Variants in ITGA11 observed in about 807,000 individuals in gnomAD.
The protein encoded by ITGA11 is integrin alpha-11.
ITGA11 carries 97 observed loss-of-function variants against 141.9 expected under a neutral mutation model. The ratio of observed to expected loss-of-function variants is 0.68; its 90% confidence interval spans 0.58 to 0.81. ITGA11 has a LOEUF of 0.81. Among genes scored for constraint, ITGA11 ranks in the 30% least tolerant of loss-of-function variants. The probability of loss-of-function intolerance (pLI) is 0.00; values close to 1 mark genes in which losing one functional copy is unlikely to be tolerated. For missense variants in ITGA11, 1,387 were observed against 1,559.2 expected (o/e 0.89, Z 1.86); for synonymous variants, 658 against 624.6 (o/e 1.05, Z -0.80).
In ITGA11 at chr15:68,322,034, A is replaced by T. The variant is rs533539993; in HGVS notation, c.2323-531T>A. ...TGACAGGGGATCAGAGTTCTGAAGGACGGTCAAGGTAGCTGTGTGGACCGG... is the reference window on the plus strand; with the variant it reads ...TGACAGGGGATCAGAGTTCTGAAGGTCGGTCAAGGTAGCTGTGTGGACCGG... On this transcript the variant is annotated intron_variant, in intron 18 of 29. Coordinates refer to ENST00000315757, the MANE Select transcript of ITGA11 (RefSeq NM_001004439.2). The surrounding 1 kb of genome is among the most constrained non-coding windows in gnomAD (Gnocchi z 5.6). 6.6e-6 allele frequency among the ~76,000 whole-genome samples: 1 copy of T among 152,212 alleles called. No individual in the cohort carries two copies. Among genetic ancestry groups the T allele is most frequent in the Non-Finnish European group, 1.5e-5 (1 of 68,028 alleles).
At chr15:68,376,592 G>A (rs577797957) in intron 2 of ITGA11, among the ~76,000 whole-genome samples, 1 of 152,208 alleles carries the variant, frequency 6.6e-6, no homozygotes, top group Admixed American at 6.5e-5. Flanking sequence ...TGGGATGCCT[G>A]TGACCCAGTA....
At chr15:68,311,221 A>G (rs892311922) in intron 25 of ITGA11, 69 bp downstream of exon 25, 40 of 1,295,952 alleles carry the variant, frequency 3.1e-5, no homozygotes, top group Non-Finnish European at 5.5e-6. Context: ...GAACCTGGGG[A>G]CACACGTAGG....
intron 2 of ITGA11, among the ~76,000 whole-genome samples, chr15:68,393,199 G>GA (rs1406725547): frequency 6.6e-6 from 1 of 152,050 alleles, no homozygotes; most frequent in Non-Finnish European, 1.5e-5. Flanking sequence ...CACAGCAAGA[G>GA]AAAAATGGAA....
At chr15:68,423,255 C>G (rs543329987) in intron 1 of ITGA11, among the ~76,000 whole-genome samples, 1 of 152,038 alleles carries the variant, frequency 6.6e-6, no homozygotes, top group Non-Finnish European at 1.5e-5. Context: ...TGCTGTATGG[C>G]GGGGGAAGTA....
chr15:68,391,153 A>C (rs1049842257), intron 2 of ITGA11, among the ~76,000 whole-genome samples: 4 of 152,116 alleles, frequency 2.6e-5, no homozygotes, highest in Non-Finnish European at 5.9e-5. Context: ...GGGAACAGAG[A>C]TTCTAGAAAG....
Position 68,308,212 on chromosome 15 carries a change from G to A in ITGA11, c.3175-516C>T, listed in dbSNP as rs547363755. On this transcript the variant is annotated intron_variant, in intron 26 of 29. Coordinates refer to ENST00000315757, the MANE Select transcript of ITGA11 (RefSeq NM_001004439.2). The surrounding 1 kb of genome is among the most constrained non-coding windows in gnomAD (Gnocchi z 5.2). ...CCCCAAAATAAACTCGTATTAACTT[G>A]TTGTAACCTATGTGAACAGGATCTA... Among the ~76,000 whole-genome samples, 2 of 152,244 alleles carry A rather than the reference G, an allele frequency of 1.3e-5. No individual in the cohort carries two copies. The highest frequency in any genetic ancestry group is 3.9e-4 in the East Asian group (2 of 5,186).
chr15:68,343,230 C>T (rs1024008576), intron 10 of ITGA11, among the ~76,000 whole-genome samples: 17 of 152,028 alleles, frequency 1.1e-4, no homozygotes, highest in African/African-American at 3.1e-4. Flanking sequence ...TTCGTCATTG[C>T]GGTAGCATGT....
intron 19 of ITGA11, 59 bp from the exon 20 acceptor site, chr15:68,320,451 A>T: frequency 2.0e-6 from 3 of 1,465,204 alleles, no homozygotes; most frequent in Non-Finnish European, 2.8e-6. Flanking sequence ...AGGGGTAGAG[A>T]GGAGCCCCAG....
At chr15:68,418,990 G>A (rs945065709) in intron 1 of ITGA11, among the ~76,000 whole-genome samples, 2 of 152,000 alleles carry the variant, frequency 1.3e-5, no homozygotes, top group Admixed American at 6.6e-5. Context: ...GAGAACTACT[G>A]GGCCAGTCTG....
rs541981695 is a variant in ITGA11 at position 68,395,380 on chromosome 15, C to T, written c.164+7538G>A. Among the ~76,000 whole-genome samples the T allele has an allele frequency of 1.7e-4, 26 of 151,488 alleles. No individual in the cohort carries two copies. In the South Asian group the frequency reaches 4.6e-3, roughly 27 times the overall value. The stretch of plus-strand genomic sequence containing the variant: ...GAAGGTTGGCAATAACAAACTTCTC[C>T]GAGCTAAAGGAGCATGTTCAAACCC... On this transcript the variant is annotated intron_variant, in intron 2 of 29. Transcript: ENST00000315757.
intron 2 of ITGA11, among the ~76,000 whole-genome samples, chr15:68,390,814 G>A (rs1201411729): frequency 1.3e-5 from 2 of 152,246 alleles, no homozygotes; most frequent in Non-Finnish European, 2.9e-5. Flanking sequence ...GGCAAATAGA[G>A]GTTCGGGAAG....
At chr15:68,311,669 G>A (rs1416773193) in intron 24 of ITGA11, among the ~76,000 whole-genome samples, 5 of 152,178 alleles carry the variant, frequency 3.3e-5, no homozygotes, top group Admixed American at 2.0e-4. Context: ...TCCTGAGGCC[G>A]GAGAGCAGGG....
At chr15:68,402,502 G>A (rs757028499) in intron 2 of ITGA11, among the ~76,000 whole-genome samples, 28 of 152,068 alleles carry the variant, frequency 1.8e-4, no homozygotes, top group Admixed American at 9.2e-4. Context: ...CCCTCCACTT[G>A]GTCTGGCTCT....
chr15:68,307,377 T>C lies in ITGA11; in HGVS notation c.3352A>G (p.Ile1118Val), dbSNP rs919921309. The C allele has an allele frequency of 2.1e-5, 33 of 1,557,644 alleles. No individual in the cohort carries two copies. The Admixed American group carries it at 2.5e-4, about 12-fold the overall frequency. ...CGGCTGGGATCCTCCTCACGGAAGA[T>C]GAAGGGGCTGTGGAACTGCCTCTGC... ...ALQRQFHSPF[I>V]FREEDPSRQI... The change falls in exon 28 of 30, where the codon ATC becomes GTC. Residue 1118 changes from isoleucine (I) to valine (V), a missense_variant. By Grantham distance (29) the Ile-to-Val change is conservative. Transcript: ENST00000315757. This position sits in a 1 kb window ranked among gnomAD's most constrained non-coding sequence, Gnocchi z 6.1.
At chr15:68,350,873 TGGG>T in intron 8 of ITGA11, 91 bp from the exon 9 acceptor site, 2 of 1,374,330 alleles carry the variant, frequency 1.5e-6, no homozygotes, top group South Asian at 1.4e-5. Context: ...GACCCCAGGG[TGGG>T]CTGGAGCCAG....
At chr15:68,313,751 C>T (rs1893474141) in intron 23 of ITGA11, 28 bp downstream of exon 23, 1 of 1,597,128 alleles carries the variant, frequency 6.3e-7, no homozygotes, top group Admixed American at 1.7e-5. Context: ...TGCCTTCCCT[C>T]TCCTGGGGCC....
At position 68,324,957 on chromosome 15, in the gene ITGA11, C is replaced by T. The variant is rs1893922959; in HGVS notation, c.2322+174G>A. On this transcript the variant is annotated intron_variant, in intron 18 of 29. Coordinates refer to ENST00000315757, the MANE Select transcript of ITGA11 (RefSeq NM_001004439.2). The surrounding 1 kb of genome is among the most constrained non-coding windows in gnomAD (Gnocchi z 6.3). ...TGATCTGCTAACACTCAGCACAGGC[C>T]CCGAGAGAGGCAGGAAGGAGCCACA... Among the ~76,000 whole-genome samples, 1 of 152,106 alleles carries T rather than the reference C, an allele frequency of 6.6e-6. No individual in the cohort carries two copies. The highest frequency in any genetic ancestry group is 1.5e-5 in the Non-Finnish European group (1 of 68,034).
At position 68,303,782 on chromosome 15, in the gene ITGA11, G is replaced by A. The variant is rs1567119354; in HGVS notation, c.3485C>T (p.Ala1162Val). ...GLLLLALLVLALWKLGFFRSA... is the reference protein window; with the variant it reads ...GLLLLALLVLVLWKLGFFRSA... ...TGCCAGGGCCCTCACCTTCCACAGTGCCAGGACCAGCAGGGCCAGCAGTAG... is the reference window on the plus strand; with the variant it reads ...TGCCAGGGCCCTCACCTTCCACAGTACCAGGACCAGCAGGGCCAGCAGTAG... Residue 1162 changes from alanine to valine, a missense_variant, in exon 29 of 30, where the codon GCA becomes GTA. Ala to Val is a moderately conservative substitution (Grantham distance 64). Coordinates refer to ENST00000315757, the MANE Select transcript of ITGA11 (RefSeq NM_001004439.2). The surrounding 1 kb of genome is among the most constrained non-coding windows in gnomAD (Gnocchi z 5.3). 1 of 1,610,052 alleles carries A rather than the reference G, an allele frequency of 6.2e-7. No individual in the cohort carries two copies. The highest frequency in any genetic ancestry group is 8.5e-7 in the Non-Finnish European group (1 of 1,177,008).
chr15:68,400,400 T>TA (rs950478667), intron 2 of ITGA11, among the ~76,000 whole-genome samples: 2 of 149,614 alleles, frequency 1.3e-5, no homozygotes, highest in African/African-American at 2.5e-5. Context: ...GCACTAACCA[T>TA]AAAAAATATT....
Sources: allele counts gnomAD v4.1 joint callset (sites outside exome capture counted in the v4.1 genomes callset), GRCh38; gene constraint gnomAD v4.1.1; non-coding constraint Gnocchi (gnomAD v3.1); transcripts MANE v1.5; gene names NCBI Gene and HGNC (gene_info 2026-07-23, HGNC 2026-07-21).